Variants in SHB observed in about 807,000 individuals in gnomAD.
SHB encodes the protein SH2 domain-containing adapter protein B.
SHB carries 20 observed loss-of-function variants against 52.3 expected under a neutral mutation model. The ratio of observed to expected loss-of-function variants is 0.38; its 90% CI spans 0.27 to 0.56. SHB has a LOEUF of 0.56. Among genes scored for constraint, SHB ranks in the 20% least tolerant of loss-of-function variants. The probability of loss-of-function intolerance (pLI) is 0.71; values close to 1 mark genes in which losing one functional copy is unlikely to be tolerated. For missense variants in SHB, 825 were observed against 723.3 expected, an observed-to-expected ratio of 1.14 and a Z score of -1.61; for synonymous variants, 397 against 316.5, an observed-to-expected ratio of 1.25 and a Z score of -2.70.
intron 1 of SHB, among the ~76,000 whole-genome samples, chr9:38,032,070 G>A (rs933362047): frequency 2.0e-5 from 3 of 152,066 alleles, no homozygotes; most frequent in Non-Finnish European, 4.4e-5. Flanking sequence ...CAGTGCCAGG[G>A]CCCGAGAACC....
chr9:37,981,101 C>T (rs890899389), intron 2 of SHB, among the ~76,000 whole-genome samples: 1 of 152,236 alleles, frequency 6.6e-6, no homozygotes, highest in African/African-American at 2.4e-5. Context: ...TAGTCCCTAA[C>T]AAGAGAGGCA....
chr9:37,982,981 CT>C (rs1421356606), intron 2 of SHB, among the ~76,000 whole-genome samples: 6 of 151,660 alleles, frequency 4.0e-5, no homozygotes, highest in Admixed American at 1.3e-4. Context: ...GTGCCCCCCC[CT>C]CCATCTTTTC....
intron 2 of SHB, among the ~76,000 whole-genome samples, chr9:37,978,514 A>AAC (rs1328054329): frequency 8.5e-5 from 13 of 152,258 alleles, no homozygotes; most frequent in African/African-American, 2.9e-4. Flanking sequence ...CGACATGGGA[A>AAC]ACCATGCAAG....
chr9:38,041,408 C>G (rs1821574301), intron 1 of SHB, among the ~76,000 whole-genome samples: 1 of 152,158 alleles, frequency 6.6e-6, no homozygotes, highest in Admixed American at 6.5e-5. Flanking sequence ...CAGGCATGAC[C>G]TATGGGTATG....
intron 5 of SHB, among the ~76,000 whole-genome samples, chr9:37,920,274 G>GAAAA (rs778748518): frequency 2.2e-5 from 3 of 135,984 alleles, no homozygotes; most frequent in Middle Eastern, 3.4e-3. Flanking sequence ...GACTTCTTCA[G>GAAAA]AAAAACAAAA....
At chr9:38,067,163 C>T (rs1821980284) in intron 1 of SHB, among the ~76,000 whole-genome samples, 1 of 152,080 alleles carries the variant, frequency 6.6e-6, no homozygotes, top group South Asian at 2.1e-4. Flanking sequence ...CCCCGTGTTC[C>T]TGGGACCTTA....
intron 5 of SHB, among the ~76,000 whole-genome samples, chr9:37,934,620 A>C (rs1832348002): frequency 6.6e-6 from 1 of 152,210 alleles, no homozygotes; most frequent in Non-Finnish European, 1.5e-5. Flanking sequence ...AATTTTAAGA[A>C]GCAAAAGCCC....
chr9:38,041,773 C>T (rs959292974), intron 1 of SHB, among the ~76,000 whole-genome samples: 2 of 152,076 alleles, frequency 1.3e-5, no homozygotes, highest in Non-Finnish European at 2.9e-5. Context: ...ACAAACAGGT[C>T]GTGACAGGGG....
At chr9:38,054,552 C>T (rs1821787586) in intron 1 of SHB, among the ~76,000 whole-genome samples, 1 of 152,180 alleles carries the variant, frequency 6.6e-6, no homozygotes, top group Admixed American at 6.5e-5. Flanking sequence ...TCCATCAAGA[C>T]CTCCACAGTT....
intron 1 of SHB, among the ~76,000 whole-genome samples, chr9:38,061,955 C>T (rs550341977): frequency 6.6e-5 from 10 of 152,336 alleles, no homozygotes; most frequent in Middle Eastern, 3.4e-3. Flanking sequence ...AACTCAAGTG[C>T]TGCATTAACA....
At chr9:37,944,913 C>T (rs556135346) in intron 5 of SHB, among the ~76,000 whole-genome samples, 1 of 152,358 alleles carries the variant, frequency 6.6e-6, no homozygotes, top group East Asian at 1.9e-4. Flanking sequence ...CCAAGACCCC[C>T]CTGTGCAGAC....
intron 2 of SHB, among the ~76,000 whole-genome samples, chr9:38,006,389 C>T (rs1326681528): frequency 1.3e-5 from 2 of 152,222 alleles, no homozygotes; most frequent in Non-Finnish European, 2.9e-5. Flanking sequence ...GGTTTCCACA[C>T]CCTGCCCAGC....
intron 3 of SHB, among the ~76,000 whole-genome samples, chr9:37,972,237 G>T (rs1357842548): frequency 6.6e-6 from 1 of 152,192 alleles, no homozygotes; most frequent in Non-Finnish European, 1.5e-5. Flanking sequence ...AATCAAACTG[G>T]TGTTTGCAAA....
At chr9:37,950,265 T>C (rs1370384440) in intron 4 of SHB, among the ~76,000 whole-genome samples, 1 of 147,714 alleles carries the variant, frequency 6.8e-6, no homozygotes, top group Non-Finnish European at 1.5e-5. Context: ...TGTGTTTCCT[T>C]TTTTTTTTTT....
chr9:38,066,690 G>T (rs1231930009), intron 1 of SHB, among the ~76,000 whole-genome samples: 3 of 152,124 alleles, frequency 2.0e-5, no homozygotes, highest in Non-Finnish European at 4.4e-5. Flanking sequence ...ATATTCTGGG[G>T]ACCTCGGGGA....
chr9:38,051,882 C>G (rs941336979), intron 1 of SHB, among the ~76,000 whole-genome samples: 1 of 152,146 alleles, frequency 6.6e-6, no homozygotes, highest in African/African-American at 2.4e-5. Context: ...TTCATCGTGG[C>G]TAACATTTCT....
chr9:37,986,651 A>G (rs1820810215), intron 2 of SHB, among the ~76,000 whole-genome samples: 1 of 152,220 alleles, frequency 6.6e-6, no homozygotes, highest in South Asian at 2.1e-4. Flanking sequence ...AGGGCTCCAG[A>G]AAGCAAAACA....
intron 3 of SHB, among the ~76,000 whole-genome samples, chr9:37,970,175 T>G (rs191544748): frequency 7.4e-4 from 113 of 151,934 alleles, no homozygotes; most frequent in Non-Finnish European, 1.4e-3. Flanking sequence ...CAAGTGGGAG[T>G]GGGGGTCTGG....
At chr9:38,044,620 G>A (rs1821625739) in intron 1 of SHB, among the ~76,000 whole-genome samples, 1 of 152,212 alleles carries the variant, frequency 6.6e-6, no homozygotes, top group African/African-American at 2.4e-5. Flanking sequence ...ACACCAAAAG[G>A]CAGGCAGCAC....
Sources: allele counts gnomAD v4.1 joint callset (sites outside exome capture counted in the v4.1 genomes callset), GRCh38; gene constraint gnomAD v4.1.1; transcripts MANE v1.5; gene names NCBI Gene and HGNC (gene_info 2026-07-23, HGNC 2026-07-21).